The following PLAGL1 variants were observed in gnomAD, a reference collection of about 807,000 sequenced individuals.
The protein encoded by PLAGL1 is PLAG1 like zinc finger 1.
A neutral mutation model predicts 4.6 loss-of-function variants in PLAGL1; 1 was observed. That is an observed-to-expected ratio of 0.22 (90% CI 0.08 to 1.03). The LOEUF (loss-of-function observed/expected upper bound fraction) is 1.03. PLAGL1 is among the 50% of genes least tolerant of loss of function. PLAGL1 has a pLI of 0.58. For missense variants in PLAGL1, 464 were observed against 570.4 expected (o/e 0.81, Z 1.90); for synonymous variants, 240 against 237.8 (o/e 1.01, Z -0.08).
At chr6:144,054,549 A>G (rs1030651946) in intron 1 of PLAGL1, among the ~76,000 whole-genome samples, 10 of 152,276 alleles carry the variant, frequency 6.6e-5, no homozygotes, top group African/African-American at 2.4e-4. Flanking sequence ...GCTGAACAAT[A>G]AGAACACATG....
rs769533076 is a variant in PLAGL1, at chr6:143,948,078, G to A, written c.59C>T (p.Thr20Met). Reference protein sequence around the residue: ...GKTFLTLEKFTIHNYSHSRER... With the variant: ...GKTFLTLEKFMIHNYSHSRER... ...CCTGGAGTGGGAATAATTGTGAATCGTGAACTTCTCCAGGGTGAGGAACGT... is the reference window on the plus strand; with the variant it reads ...CCTGGAGTGGGAATAATTGTGAATCATGAACTTCTCCAGGGTGAGGAACGT... Residue 20 changes from threonine to methionine, a missense_variant, in exon 7 of 8, where the codon ACG becomes ATG. Transcript: ENST00000674357. This position sits in a 1 kb window ranked among gnomAD's most constrained non-coding sequence, Gnocchi z 6.0. 25 of 1,613,674 alleles carry A rather than the reference G, an allele frequency of 1.5e-5. No individual in the cohort carries two copies. Among genetic ancestry groups the A allele is most frequent in the South Asian group, 8.8e-5 (8 of 91,078 alleles).
intron 7 of PLAGL1, among the ~76,000 whole-genome samples, chr6:143,946,343 A>AGT (rs1318209382): frequency 6.6e-6 from 1 of 152,148 alleles, no homozygotes; most frequent in East Asian, 1.9e-4. Flanking sequence ...CTGCAGTTTT[A>AGT]GTGTCCTCAC....
chr6:144,049,505 C>A (rs1241345647), intron 1 of PLAGL1, among the ~76,000 whole-genome samples: 1 of 152,212 alleles, frequency 6.6e-6, no homozygotes, highest in Non-Finnish European at 1.5e-5. Flanking sequence ...AGGAAACTTA[C>A]AATCATGGTG....
In PLAGL1 at chr6:143,958,765, G is replaced by T. The variant is rs923610287; in HGVS notation, c.-325+1704C>A. ...ATTTCATCAGGTTTCCATTTTAAAA[G>T]AAAATGGCACTGAAGAGACAAGGCA... On this transcript the variant is annotated intron_variant, in intron 6 of 7. Transcript: ENST00000674357. The surrounding 1 kb of genome is among the most constrained non-coding windows in gnomAD (Gnocchi z 5.1). Among the ~76,000 whole-genome samples the T allele has an allele frequency of 6.6e-6, 1 of 152,078 alleles. No individual in the cohort carries two copies. The highest frequency in any genetic ancestry group is 1.9e-4 in the East Asian group (1 of 5,198).
chr6:144,035,430 T>C (rs1218152557), intron 1 of PLAGL1, among the ~76,000 whole-genome samples: 1 of 152,210 alleles, frequency 6.6e-6, no homozygotes, highest in Non-Finnish European at 1.5e-5. Flanking sequence ...GGGAGAAAGA[T>C]GAAGGCCGGA....
rs549648207 is a variant in PLAGL1 at position 143,963,637 on chromosome 6, C to T, written c.-399+1150G>A. Among the ~76,000 whole-genome samples the T allele has an allele frequency of 5.3e-5, 8 of 152,310 alleles. No individual in the cohort carries two copies. Among genetic ancestry groups the T allele is most frequent in the South Asian group, 2.1e-4 (1 of 4,830 alleles). ...TAAGCTTGCTGTAGAATCCAGGGTG[C>T]GTGTCAAAAGTCAACCTCTTCCCAT... On this transcript the variant is annotated intron_variant, in intron 5 of 7. Coordinates refer to ENST00000674357, the MANE Select transcript of PLAGL1 (RefSeq NM_001317162.2). The surrounding 1 kb of genome is among the most constrained non-coding windows in gnomAD (Gnocchi z 6.1).
intron 1 of PLAGL1, among the ~76,000 whole-genome samples, chr6:143,991,558 G>C (rs1272369396): frequency 6.6e-6 from 1 of 152,166 alleles, no homozygotes; most frequent in Non-Finnish European, 1.5e-5. Context: ...CACTCGCTCA[G>C]CACTGCCCTT....
upstream of PLAGL1, among the ~76,000 whole-genome samples, chr6:144,009,848 T>G (rs1436561778): frequency 6.6e-6 from 1 of 152,236 alleles, no homozygotes; most frequent in East Asian, 1.9e-4. Flanking sequence ...GGACATGAAC[T>G]CATCCTTTTT....
Position 143,989,771 on chromosome 6 carries a change from T to C in PLAGL1, c.-583-4597A>G, listed in dbSNP as rs1790040217. ...TGCCAACTCAAATTCACTTGGGTTCTAGAAACTGCCCAACAATTATGCAAC... is the reference window on the plus strand; with the variant it reads ...TGCCAACTCAAATTCACTTGGGTTCCAGAAACTGCCCAACAATTATGCAAC... On this transcript the variant is annotated intron_variant, in intron 1 of 7. Transcript: ENST00000674357. The surrounding 1 kb of genome is among the most constrained non-coding windows in gnomAD (Gnocchi z 4.8). 1.3e-5 allele frequency among the ~76,000 whole-genome samples: 2 copies of C among 152,242 alleles called. No individual in the cohort carries two copies. Among genetic ancestry groups the C allele is most frequent in the Admixed American group, 6.5e-5 (1 of 15,288 alleles).
chr6:143,987,794 A>G (rs1027028225), intron 1 of PLAGL1, among the ~76,000 whole-genome samples: 3 of 152,140 alleles, frequency 2.0e-5, no homozygotes, highest in Non-Finnish European at 4.4e-5. Flanking sequence ...TCTTAAGTAA[A>G]TACAAGGCAG....
chr6:144,014,375 G>C (rs1795422836), intron 1 of PLAGL1, among the ~76,000 whole-genome samples: 1 of 151,974 alleles, frequency 6.6e-6, no homozygotes, highest in Non-Finnish European at 1.5e-5. Context: ...GTTGCAGTGA[G>C]CCAAGATTGC....
intron 1 of PLAGL1, among the ~76,000 whole-genome samples, chr6:144,044,006 G>T (rs1010102135): frequency 6.6e-6 from 1 of 152,142 alleles, no homozygotes; most frequent in East Asian, 1.9e-4. Flanking sequence ...TTGTATTTCC[G>T]TGGGATCATT....
Position 143,948,254 on chromosome 6 carries a change from A to G in PLAGL1, c.-118T>C. 1.2e-6 allele frequency: 1 copy of G among 865,902 alleles called. No individual in the cohort carries two copies. Among genetic ancestry groups the G allele is most frequent in the East Asian group, 2.6e-5 (1 of 37,806 alleles). 53.6% of individuals were successfully genotyped at this position (865,902 alleles called of 1,614,324 possible). On this transcript the variant is annotated 5_prime_UTR_variant, in exon 7 of 8. Transcript: ENST00000674357. This position sits in a 1 kb window ranked among gnomAD's most constrained non-coding sequence, Gnocchi z 6.0. ...CAGAGTCCCTGCAGCTGAACTCCAGACCACGGGAGAGGCAGCATCGTGGGC... is the reference window on the plus strand; with the variant it reads ...CAGAGTCCCTGCAGCTGAACTCCAGGCCACGGGAGAGGCAGCATCGTGGGC...
Position 143,993,036 on chromosome 6 carries a change from C to T in PLAGL1, c.-583-7862G>A, listed in dbSNP as rs567278491. Among the ~76,000 whole-genome samples, 7 of 147,326 alleles carry T rather than the reference C, an allele frequency of 4.8e-5. No individual in the cohort carries two copies. In the South Asian group the frequency reaches 6.5e-4, roughly 14 times the overall value. Reference sequence around the variant, plus strand: ...GAAAAAAACAGAAAACGGCCGGGTGCGGTGGCTCACGCTTGTAATCCCAGC... The same window carrying T: ...GAAAAAAACAGAAAACGGCCGGGTGTGGTGGCTCACGCTTGTAATCCCAGC... On this transcript the variant is annotated intron_variant, in intron 1 of 7. Coordinates refer to ENST00000674357, the MANE Select transcript of PLAGL1 (RefSeq NM_001317162.2).
chr6:144,016,196 C>T lies in PLAGL1; in HGVS notation c.-150-47218G>A, dbSNP rs140581060. Among the ~76,000 whole-genome samples, 928 of 152,198 alleles carry T rather than the reference C, an allele frequency of 6.1e-3. 6 individuals are homozygous for T. Among genetic ancestry groups the T allele is most frequent in the African/African-American group, 0.021 (883 of 41,504 alleles). ...ACAAGGTCCCACAATAGGCTGTCTG[C>T]AAGCTGAGGAGAAAGGAGAGCCAGT... On this transcript the variant is annotated intron_variant, in intron 1 of 3. Transcript: ENST00000437412. The surrounding 1 kb of genome is among the most constrained non-coding windows in gnomAD (Gnocchi z 4.2).
intron 1 of PLAGL1, among the ~76,000 whole-genome samples, chr6:143,987,451 T>TTTTTTC (rs1789470909): frequency 6.8e-6 from 1 of 146,576 alleles, no homozygotes; most frequent in African/African-American, 2.5e-5. Context: ...TTTTTTTTTT[T>TTTTTTC]TTTTTTTTTG....
rs746355836 is a variant in PLAGL1 at position 144,005,291 on chromosome 6, T to G, written c.-584+2799A>C. ...AAAAAATATCACAATGAAAAAATCT[T>G]AAATTCTTAGAACTGAACAATATAC... On this transcript the variant is annotated intron_variant, in intron 1 of 7. Transcript: ENST00000674357. This position sits in a 1 kb window ranked among gnomAD's most constrained non-coding sequence, Gnocchi z 4.6. 7.2e-5 allele frequency: 11 copies of G among 152,162 alleles called. No homozygotes were observed. The highest frequency in any genetic ancestry group is 1.5e-4 in the Non-Finnish European group (10 of 68,004). The allele number at this position is 152,162 out of a possible 1,614,324, so 9.4% of individuals were successfully genotyped here.
At position 143,960,439 on chromosome 6, in the gene PLAGL1, C is replaced by A. The variant is rs1020129021; in HGVS notation, c.-325+30G>T. ...CCAAGCAATCGTTAATAAACATGCC[C>A]AACTAGAAATAATCTTAAAACATGC... is the stretch of plus-strand genomic sequence containing the variant. On this transcript the variant is annotated intron_variant, in intron 6 of 7. Coordinates refer to ENST00000674357, the MANE Select transcript of PLAGL1 (RefSeq NM_001317162.2). The surrounding 1 kb of genome is among the most constrained non-coding windows in gnomAD (Gnocchi z 5.7). 1 of 152,170 alleles carries A rather than the reference C, an allele frequency of 6.6e-6. No homozygotes were observed. The highest frequency in any genetic ancestry group is 1.5e-5 in the Non-Finnish European group (1 of 68,044). 9.4% of individuals were successfully genotyped at this position (152,170 alleles called of 1,614,324 possible).
At chr6:143,974,398 G>A (rs554586590) in intron 2 of PLAGL1, among the ~76,000 whole-genome samples, 1 of 132,754 alleles carries the variant, frequency 7.5e-6, no homozygotes, top group African/African-American at 2.8e-5. Context: ...GTGGGGTTGC[G>A]GGGGAGGTCA....
Sources: allele counts gnomAD v4.1 joint callset (sites outside exome capture counted in the v4.1 genomes callset), GRCh38; gene constraint gnomAD v4.1.1; non-coding constraint Gnocchi (gnomAD v3.1); transcripts MANE v1.5; gene names NCBI Gene and HGNC (gene_info 2026-07-23, HGNC 2026-07-21).